ERBB4: variants seen among roughly 807,000 people sequenced by gnomAD.
The protein encoded by ERBB4 is receptor tyrosine-protein kinase erbB-4.
Under a neutral mutation model 158.0 loss-of-function variants are expected in ERBB4, and 42 were observed. That is an observed-to-expected ratio of 0.27 (90% CI 0.21 to 0.34). The LOEUF (loss-of-function observed/expected upper bound fraction) is 0.34. Ranked by LOEUF, ERBB4 falls within the 10% of genes least tolerant of loss-of-function variation. The pLI is 1.00. For synonymous variants in ERBB4, 583 were observed against 558.7 expected (o/e 1.04, Z -0.61); for missense variants, 1,333 against 1,624.1 (o/e 0.82, Z 3.08).
chr2:212,055,023 T>G (rs957692046), intron 2 of ERBB4, among the ~76,000 whole-genome samples: 1 of 151,962 alleles, frequency 6.6e-6, no homozygotes, highest in African/African-American at 2.4e-5. Context: ...CCGGGAAGCA[T>G]AAAGGGTCAG....
At chr2:212,197,581 GTC>G (rs2082466378) in intron 1 of ERBB4, among the ~76,000 whole-genome samples, 1 of 152,278 alleles carries the variant, frequency 6.6e-6, no homozygotes, top group Non-Finnish European at 1.5e-5. Flanking sequence ...CAAGAAGTCT[GTC>G]TCTGAATCCC....
intron 1 of ERBB4, among the ~76,000 whole-genome samples, chr2:212,261,289 A>T (rs946420986): frequency 6.6e-6 from 1 of 152,216 alleles, no homozygotes; most frequent in East Asian, 1.9e-4. Context: ...AGGAAATCAC[A>T]TTGAGAAGAA....
chr2:211,951,148 C>T (rs188384598), intron 2 of ERBB4, among the ~76,000 whole-genome samples: 1 of 152,246 alleles, frequency 6.6e-6, no homozygotes, highest in East Asian at 1.9e-4. Flanking sequence ...ACAAACTTAT[C>T]ATTAGCTTCC....
At chr2:212,197,006 GT>G (rs1309467326) in intron 1 of ERBB4, among the ~76,000 whole-genome samples, 2 of 152,132 alleles carry the variant, frequency 1.3e-5, no homozygotes, top group African/African-American at 4.8e-5. Context: ...TCTACGGGTT[GT>G]TTTTTTCTTT....
chr2:211,843,938 G>T (rs2077533527), intron 3 of ERBB4, among the ~76,000 whole-genome samples: 1 of 151,832 alleles, frequency 6.6e-6, no homozygotes, highest in African/African-American at 2.4e-5. Flanking sequence ...GTTTCAGAGG[G>T]GTCAAATGAA....
At chr2:212,446,555 T>C (rs2092351181) in intron 1 of ERBB4, among the ~76,000 whole-genome samples, 1 of 117,762 alleles carries the variant, frequency 8.5e-6, no homozygotes, top group African/African-American at 3.1e-5. Context: ...TGTGATCATG[T>C]AAGTTAATAC....
chr2:211,639,185 A>G (rs1461320774), intron 16 of ERBB4, among the ~76,000 whole-genome samples: 2 of 152,162 alleles, frequency 1.3e-5, no homozygotes, highest in Non-Finnish European at 2.9e-5. Context: ...ATTATTGTTT[A>G]TATACTGTTA....
intron 2 of ERBB4, among the ~76,000 whole-genome samples, chr2:212,009,541 T>C (rs897768830): frequency 8.6e-5 from 13 of 151,982 alleles, no homozygotes; most frequent in African/African-American, 3.1e-4. Context: ...ACACATCAAG[T>C]TTGTTGTATG....
intron 2 of ERBB4, among the ~76,000 whole-genome samples, chr2:212,052,073 G>A (rs1019927056): frequency 6.6e-6 from 1 of 152,188 alleles, no homozygotes; most frequent in Non-Finnish European, 1.5e-5. Context: ...AGTGGAATGG[G>A]AGAAGCAGAC....
intron 3 of ERBB4, among the ~76,000 whole-genome samples, chr2:211,939,048 G>A (rs984590040): frequency 2.6e-5 from 4 of 152,042 alleles, no homozygotes; most frequent in South Asian, 2.1e-4. Flanking sequence ...TGTATTGCAC[G>A]TTTGCTTGTA....
chr2:211,383,660 A>C lies in ERBB4; in HGVS notation c.3882T>G (p.Thr1294=). The change falls in exon 28 of 28, where the codon ACT becomes ACG. Residue 1294 remains threonine (T), a synonymous_variant. Coordinates refer to ENST00000342788, the MANE Select transcript of ERBB4 (RefSeq NM_005235.3). ...GTCTGTAAGGTGGAGGCGGCAGCACAGTGCCTGGCTTCAGGGAGAACTCAG... is the reference window on the plus strand; with the variant it reads ...GTCTGTAAGGTGGAGGCGGCAGCACCGTGCCTGGCTTCAGGGAGAACTCAG... ...YLSEFSLKPG[T]VLPPPPYRHR... 1.2e-6 allele frequency: 2 copies of C among 1,613,934 alleles called. No homozygotes were observed. The highest frequency in any genetic ancestry group is 8.5e-7 in the Non-Finnish European group (1 of 1,179,984).
chr2:211,634,410 A>G (rs2070277541), intron 16 of ERBB4, among the ~76,000 whole-genome samples: 1 of 152,202 alleles, frequency 6.6e-6, no homozygotes, highest in South Asian at 2.1e-4. Flanking sequence ...ATAAACCAAG[A>G]TAATCTGAAA....
At chr2:211,706,312 C>A (rs2073436724) in intron 9 of ERBB4, among the ~76,000 whole-genome samples, 1 of 152,114 alleles carries the variant, frequency 6.6e-6, no homozygotes, top group South Asian at 2.1e-4. Context: ...TCTCTGAGAA[C>A]ATTCCTTTTT....
chr2:211,658,717 A>G (rs2071311824), intron 15 of ERBB4, among the ~76,000 whole-genome samples: 1 of 152,194 alleles, frequency 6.6e-6, no homozygotes. Flanking sequence ...ATAACAGATA[A>G]ATATATACTA....
At chr2:212,331,789 GT>G (rs931547914) in intron 1 of ERBB4, among the ~76,000 whole-genome samples, 9 of 151,864 alleles carry the variant, frequency 5.9e-5, no homozygotes, top group Admixed American at 1.3e-4. Context: ...ATGTTACATA[GT>G]TTTTTTGGTC....
At position 211,383,559 on chromosome 2, in the gene ERBB4, G is replaced by T. The variant is rs1194374740; in HGVS notation, c.*56C>A. ...AAGGAAGACCACCAGAGAAAGAGAG[G>T]GGGGTGGGGAAATTGGAGCAGGTGT... On this transcript the variant is annotated 3_prime_UTR_variant, in exon 28 of 28. Transcript: ENST00000342788. 1.4e-5 allele frequency: 20 copies of T among 1,427,128 alleles called. 1 individual carries two copies. The South Asian group carries it at 2.0e-4, about 14-fold the overall frequency. 88.4% of individuals were successfully genotyped at this position (1,427,128 alleles called of 1,614,324 possible). A position where few individuals can be genotyped will look rare whatever the true frequency, so the allele number is the denominator to read the frequency against.
intron 2 of ERBB4, among the ~76,000 whole-genome samples, chr2:212,103,553 G>A (rs1448556855): frequency 6.6e-6 from 1 of 151,814 alleles, no homozygotes; most frequent in African/African-American, 2.4e-5. Context: ...TACATATCTG[G>A]ATTTTGACCA....
chr2:211,772,826 TATATATATACAC>T (rs1353554730), intron 4 of ERBB4, among the ~76,000 whole-genome samples: 42 of 12,374 alleles, frequency 3.4e-3, no homozygotes, highest in Admixed American at 5.8e-3. Context: ...TATATATATA[TATATATATACAC>T]ATATATATAT....
rs2062542404 is a variant in ERBB4, at chr2:211,379,699, C to T, written c.*3916G>A. The stretch of plus-strand genomic sequence containing the variant: ...TATCGTGGTTCTGTCCAGTTATATA[C>T]ATGCTTTCATGATCACCTTTTCTAT... On this transcript the variant is annotated 3_prime_UTR_variant, in exon 28 of 28. Transcript: ENST00000342788. The T allele has an allele frequency of 4.3e-6, 1 of 231,640 alleles. No individual in the cohort carries two copies. The highest frequency in any genetic ancestry group is 2.2e-5 in the African/African-American group (1 of 45,246). 14.3% of individuals were successfully genotyped at this position (231,640 alleles called of 1,614,324 possible).
Sources: allele counts gnomAD v4.1 joint callset (sites outside exome capture counted in the v4.1 genomes callset), GRCh38; gene constraint gnomAD v4.1.1; transcripts MANE v1.5; gene names NCBI Gene and HGNC (gene_info 2026-07-23, HGNC 2026-07-21).